MOXD1: variants seen among roughly 807,000 people sequenced by gnomAD.
The protein encoded by MOXD1 is monooxygenase DBH like 1, also known as DBH-like monooxygenase protein 1.
In MOXD1, 62 loss-of-function variants were observed where a neutral mutation model predicts 66.6. That is an observed-to-expected ratio of 0.93 (90% CI 0.76 to 1.15). The LOEUF (loss-of-function observed/expected upper bound fraction) is 1.15. Ranked by LOEUF, MOXD1 falls within the 50% of genes most tolerant of loss-of-function variation. The pLI is 0.00. For missense variants in MOXD1, 847 were observed against 754.6 expected, an observed-to-expected ratio of 1.12 and a Z score of -1.44; for synonymous variants, 303 against 281.9, an observed-to-expected ratio of 1.07 and a Z score of -0.75.
chr6:132,322,201 C>T (rs1216359492), intron 8 of MOXD1, among the ~76,000 whole-genome samples: 1 of 152,196 alleles, frequency 6.6e-6, no homozygotes, highest in Non-Finnish European at 1.5e-5. Flanking sequence ...CAAGCTGGAT[C>T]ACACAGCATA....
At position 132,400,460 on chromosome 6, in the gene MOXD1, G is replaced by A. The variant is rs375492588; in HGVS notation, c.264+703C>T. On this transcript the variant is annotated intron_variant, in intron 1 of 11. Coordinates refer to ENST00000367963, the MANE Select transcript of MOXD1 (RefSeq NM_015529.4). ...AGTAAAGCACCCATGAACAGGCAAG[G>A]TGGTTACTTAGGCTCCTTCAAAGTA... Among the ~76,000 whole-genome samples the A allele has an allele frequency of 3.9e-5, 6 of 151,992 alleles. No homozygotes were observed. The East Asian group carries it at 9.7e-4, about 24-fold the overall frequency.
intron 4 of MOXD1, among the ~76,000 whole-genome samples, chr6:132,355,826 T>C (rs7761051): frequency 0.23 from 35,482 of 152,174 alleles, 4,657 homozygotes; most frequent in African/African-American, 0.35. Flanking sequence ...TGTTGAACTT[T>C]GGGTTGGTTT....
chr6:132,338,862 G>A (rs1477355958), intron 4 of MOXD1, among the ~76,000 whole-genome samples: 1 of 152,146 alleles, frequency 6.6e-6, no homozygotes, highest in Non-Finnish European at 1.5e-5. Context: ...TGGTCCATGT[G>A]AAGCAACAAA....
intron 4 of MOXD1, among the ~76,000 whole-genome samples, chr6:132,350,029 T>C (rs1775772447): frequency 6.6e-6 from 1 of 152,234 alleles, no homozygotes; most frequent in Non-Finnish European, 1.5e-5. Context: ...TATTAGTCCT[T>C]TGTCAGACGT....
chr6:132,390,485 C>CCTTAGTACTT (rs1278585493), intron 1 of MOXD1: 1 of 151,484 alleles, frequency 6.6e-6, no homozygotes, highest in Non-Finnish European at 1.5e-5. Flanking sequence ...TCTGATGTTT[C>CCTTAGTACTT]TCTTGCTTAT....
intron 11 of MOXD1, among the ~76,000 whole-genome samples, 186 bp from the exon 12 acceptor site, chr6:132,297,503 C>T (rs1337255762): frequency 2.0e-5 from 3 of 152,038 alleles, no homozygotes; most frequent in Non-Finnish European, 4.4e-5. Flanking sequence ...GCCAGGCACT[C>T]CTTTGGAAAA....
rs185710948 is a variant in MOXD1, at chr6:132,355,322, T to C, written c.663+17286A>G. On this transcript the variant is annotated intron_variant, in intron 4 of 11. Transcript: ENST00000367963. ...GGGACCCAGTGAGCTCCCAGGTCCT[T>C]TCCCACTGCTTCCTCTATCCCTGTA... is the stretch of plus-strand genomic sequence containing the variant. Among the ~76,000 whole-genome samples the C allele has an allele frequency of 3.8e-3, 585 of 152,252 alleles. 3 individuals are homozygous for C. The highest frequency in any genetic ancestry group is 0.034 in the Middle Eastern group (10 of 294).
chr6:132,322,946 G>A, intron 7 of MOXD1, 76 bp from the exon 8 acceptor site: 4 of 1,269,072 alleles, frequency 3.2e-6, no homozygotes, highest in Non-Finnish European at 4.3e-6. Flanking sequence ...AAACACACTT[G>A]GAGGGACAAC....
At chr6:132,356,625 CAA>C (rs927017091) in intron 4 of MOXD1, among the ~76,000 whole-genome samples, 30 of 152,006 alleles carry the variant, frequency 2.0e-4, no homozygotes, top group African/African-American at 7.0e-4. Flanking sequence ...GAATGTGCAT[CAA>C]AAGTGTATGG....
chr6:132,328,255 T>G lies in MOXD1; in HGVS notation c.844-140A>C, dbSNP rs192506527. On this transcript the variant is annotated intron_variant, in intron 5 of 11. Transcript: ENST00000367963. The stretch of plus-strand genomic sequence containing the variant: ...TACAATTGATGAAATAAAATAAAAA[T>G]GACTTAAAGAAAGAATCCCTTCCTA... The G allele has an allele frequency of 8.5e-3, 10,201 of 1,198,752 alleles. 76 individuals carry two copies. The highest frequency in any genetic ancestry group is 0.022 in the Admixed American group (829 of 37,552). 74.3% of individuals were successfully genotyped at this position (1,198,752 alleles called of 1,614,324 possible).
At chr6:132,320,596 A>G in intron 9 of MOXD1, 33 bp downstream of exon 9, 1 of 1,530,400 alleles carries the variant, frequency 6.5e-7, no homozygotes. Context: ...TCTCTCCATA[A>G]ATGAACTTTA....
chr6:132,318,055 T>C (rs1021922317), intron 9 of MOXD1, among the ~76,000 whole-genome samples: 17 of 152,298 alleles, frequency 1.1e-4, no homozygotes, highest in Admixed American at 2.0e-4. Context: ...TTCATAACTT[T>C]ACACTGTTTC....
chr6:132,363,007 T>A (rs1328961252), intron 4 of MOXD1, among the ~76,000 whole-genome samples: 1 of 152,148 alleles, frequency 6.6e-6, no homozygotes, highest in Non-Finnish European at 1.5e-5. Flanking sequence ...CCAGTCTCTG[T>A]GTACTCATAT....
chr6:132,372,032 T>C (rs1344614052), intron 4 of MOXD1, among the ~76,000 whole-genome samples: 2 of 152,176 alleles, frequency 1.3e-5, no homozygotes, highest in African/African-American at 4.8e-5. Context: ...ATTCGCTAAG[T>C]AGATGCAAAA....
chr6:132,366,745 G>A (rs1776149610), intron 4 of MOXD1, among the ~76,000 whole-genome samples: 2 of 152,072 alleles, frequency 1.3e-5, no homozygotes, highest in African/African-American at 2.4e-5. Flanking sequence ...CCATTTGACT[G>A]TGTCTTTTTA....
Position 132,315,660 on chromosome 6 carries a change from C to A in MOXD1, c.1483G>T (p.Val495Phe), listed in dbSNP as rs140913227. ...DIMEQLQFIG[V>F]KEIYRPVTTW... ...GTGACTGGTCTGTAGATCTCCTTAA[C>A]CCCAATGAACTGAAGTTGTTCCATA... The change falls in exon 10 of 12, where the codon GTT (valine) becomes TTT (phenylalanine). Residue 495 changes from valine to phenylalanine, a missense_variant. By Grantham distance (50) the Val-to-Phe change is conservative. Coordinates refer to ENST00000367963, the MANE Select transcript of MOXD1 (RefSeq NM_015529.4). The A allele has an allele frequency of 1.4e-4, 232 of 1,612,962 alleles. No homozygotes were observed. The highest frequency in any genetic ancestry group is 4.2e-4 in the Admixed American group (25 of 59,850).
intron 1 of MOXD1, among the ~76,000 whole-genome samples, chr6:132,399,672 C>T (rs577886016): frequency 2.0e-5 from 3 of 152,208 alleles, no homozygotes; most frequent in African/African-American, 7.2e-5. Flanking sequence ...AAAGTATGTC[C>T]CATTTTATAA....
intron 10 of MOXD1, among the ~76,000 whole-genome samples, chr6:132,306,106 A>G (rs1350003722): frequency 6.6e-6 from 1 of 152,142 alleles, no homozygotes; most frequent in African/African-American, 2.4e-5. Flanking sequence ...CAAAGAAGCT[A>G]AGAACCTTCA....
rs374094007 is a variant in MOXD1, at chr6:132,313,283, C to A, written c.1508+2352G>T. On this transcript the variant is annotated intron_variant, in intron 10 of 11. Transcript: ENST00000367963. ...AACCGGGATTGCATGTCTTGCTCTA[C>A]CTGTTGGAATTGTGTAAAAATGAAT... Among the ~76,000 whole-genome samples, 10 of 152,226 alleles carry A rather than the reference C, an allele frequency of 6.6e-5. No homozygotes were observed. In the East Asian group the frequency reaches 1.2e-3, roughly 18 times the overall value.
Sources: gnomAD v4.1 joint callset for allele counts (sites outside exome capture counted in the v4.1 genomes callset) on GRCh38, gnomAD v4.1.1 for gene constraint, MANE v1.5 for transcripts, NCBI Gene and HGNC (gene_info 2026-07-23, HGNC 2026-07-21) for gene names.